The following MYLK variants were observed in gnomAD, a reference collection of about 807,000 sequenced individuals.
The protein encoded by MYLK is myosin light chain kinase.
A neutral mutation model predicts 203.4 loss-of-function variants in MYLK; 106 were observed. The observed-to-expected ratio is 0.52, with a 90% confidence interval of 0.45 to 0.61. The LOEUF is 0.61. MYLK is among the 20% of genes least tolerant of loss of function. The pLI, the probability that MYLK is intolerant of heterozygous loss-of-function variation, is 0.00. For synonymous variants in MYLK, 867 were observed against 959.5 expected (o/e 0.90, Z 1.78); for missense variants, 2,072 against 2,442.3 (o/e 0.85, Z 3.20).
chr3:123,727,121 G>A (rs545477311), intron 11 of MYLK, among the ~76,000 whole-genome samples: 1 of 152,350 alleles, frequency 6.6e-6, no homozygotes, highest in African/African-American at 2.4e-5. Context: ...ATTTCCCATA[G>A]TTGAACTCGA....
chr3:123,716,035 C>T (rs2061880812), intron 13 of MYLK: 1 of 152,224 alleles, frequency 6.6e-6, no homozygotes, highest in African/African-American at 2.4e-5. Context: ...TTCTGATTCA[C>T]TCCAAACCCT....
At chr3:123,807,843 G>A (rs1001242968) in intron 3 of MYLK, among the ~76,000 whole-genome samples, 1 of 152,228 alleles carries the variant, frequency 6.6e-6, no homozygotes, top group African/African-American at 2.4e-5. Context: ...CCCACTGGCT[G>A]GGCACAAGCC....
chr3:123,676,920 G>A (rs2060088225), intron 20 of MYLK, among the ~76,000 whole-genome samples: 1 of 152,180 alleles, frequency 6.6e-6, no homozygotes, highest in South Asian at 2.1e-4. Context: ...CCCAGAGTCT[G>A]GTATCAAACT....
chr3:123,678,264 G>A (rs1030083302), intron 20 of MYLK, among the ~76,000 whole-genome samples: 1 of 151,924 alleles, frequency 6.6e-6, no homozygotes, highest in East Asian at 1.9e-4. Flanking sequence ...CTCCCTGTCT[G>A]CCTTCTCCCC....
rs142198789 is a variant in MYLK, at chr3:123,715,166, T to C, written c.1805-5273A>G. Among the ~76,000 whole-genome samples, 18 of 152,326 alleles carry C rather than the reference T, an allele frequency of 1.2e-4. No homozygotes were observed. In the East Asian group the frequency reaches 3.5e-3, roughly 29 times the overall value. On this transcript the variant is annotated intron_variant, in intron 13 of 33. Coordinates refer to ENST00000360304, the MANE Select transcript of MYLK (RefSeq NM_053025.4). ...GCTGTTTTTGACTCACTAGAAGTTG[T>C]TTTTGAAGCCAGTTCCTAGTCATGA...
rs879593588 is a variant in MYLK, at chr3:123,684,556, T to C, written c.3566-2246A>G. Reference sequence around the variant, plus strand: ...CAGTAATTGTTTTGTTTGGCCCCTTTTTTTTTTTGAAATGGAATCTCACTC... The same window carrying C: ...CAGTAATTGTTTTGTTTGGCCCCTTCTTTTTTTTGAAATGGAATCTCACTC... On this transcript the variant is annotated intron_variant, in intron 19 of 33. Transcript: ENST00000360304. 1.7e-3 allele frequency among the ~76,000 whole-genome samples: 265 copies of C among 152,138 alleles called. 2 individuals carry two copies. Among genetic ancestry groups the C allele is most frequent in the Non-Finnish European group, 3.0e-3 (205 of 67,982 alleles).
chr3:123,788,562 A>G (rs1432103063), intron 4 of MYLK, among the ~76,000 whole-genome samples: 1 of 102,498 alleles, frequency 9.8e-6, no homozygotes, highest in African/African-American at 3.8e-5. Context: ...AACAGTCCCC[A>G]GAGTGTGATG....
At chr3:123,852,140 A>C (rs375544718) in intron 2 of MYLK, among the ~76,000 whole-genome samples, 2 of 152,266 alleles carry the variant, frequency 1.3e-5, no homozygotes, top group East Asian at 3.9e-4. Flanking sequence ...TGCTGGATTC[A>C]GTTTGCCAGT....
At chr3:123,702,358 G>T (rs956931247) in intron 16 of MYLK, among the ~76,000 whole-genome samples, 2 of 152,214 alleles carry the variant, frequency 1.3e-5, no homozygotes, top group East Asian at 1.9e-4. Flanking sequence ...AGTGATGGTT[G>T]TAACAACTGC....
rs576849217 is a variant in MYLK, at chr3:123,784,376, C to CTTTTTTTTTTTTTTTTTTTTTTTTTTT, written c.165+9274_165+9300dup. Among the ~76,000 whole-genome samples, 5 of 78,662 alleles carry CTTTTTTTTTTTTTTTTTTTTTTTTTTT rather than the reference C, an allele frequency of 6.4e-5. 1 individual carries two copies. The highest frequency in any genetic ancestry group is 3.0e-4 in the Admixed American group (2 of 6,716). 51.6% of individuals were successfully genotyped at this position (78,662 alleles called of 152,430 possible). The stretch of plus-strand genomic sequence containing the variant: ...CAAATACGGCTCATGGGTTGACTTT[C>CTTTTTTTTTTTTTTTTTTTTTTTTTTT]TTTTTTTTTTTTTTTTTTTTTTTTT... On this transcript the variant is annotated intron_variant, in intron 4 of 33. Transcript: ENST00000360304.
intron 20 of MYLK, among the ~76,000 whole-genome samples, chr3:123,679,905 C>G (rs1401073255): frequency 2.6e-5 from 4 of 152,136 alleles, no homozygotes; most frequent in Non-Finnish European, 5.9e-5. Context: ...AGGGGAGACC[C>G]CCTTCTGCTT....
Position 123,638,088 on chromosome 3 carries a change from C to T in MYLK, c.4944G>A (p.Gly1648=). 6.2e-7 allele frequency: 1 copy of T among 1,614,100 alleles called. No homozygotes were observed. Among genetic ancestry groups the T allele is most frequent in the South Asian group, 1.1e-5 (1 of 91,072 alleles). Residue 1648 remains glycine (G), a synonymous_variant, in exon 29 of 34, where the codon GGG becomes GGA. Coordinates refer to ENST00000360304, the MANE Select transcript of MYLK (RefSeq NM_053025.4). ...GGACTCACAGGATGTAGCAGATGAC[C>T]CCGATGCTCCACATGTCTGTGGCGT... ...IGYATDMWSI[G]VICYILVSGL...
intron 2 of MYLK, among the ~76,000 whole-genome samples, chr3:123,851,438 T>A (rs1410737260): frequency 1.3e-5 from 2 of 152,186 alleles, no homozygotes; most frequent in Non-Finnish European, 2.9e-5. Context: ...GGTTTGTAGT[T>A]CTCCTTGAAG....
rs141457749 is a variant in MYLK, at chr3:123,735,757, T to C, written c.755-341A>G. On this transcript the variant is annotated intron_variant, in intron 8 of 33. Transcript: ENST00000360304. ...ACCCAAATGCTGTAACTTACCAGTG[T>C]ACAGAAAAGCATACTTTTAATGTTA... 276 of 273,950 alleles carry C rather than the reference T, an allele frequency of 1.0e-3. 2 individuals are homozygous for C. In the East Asian group the frequency reaches 0.015, roughly 15 times the overall value. The allele number at this position is 273,950 out of a possible 1,614,324, so 17.0% of individuals were successfully genotyped here.
chr3:123,734,829 C>T (rs535247697), intron 9 of MYLK: 1 of 171,536 alleles, frequency 5.8e-6, no homozygotes, highest in African/African-American at 2.4e-5. Context: ...AGCTTTTCTT[C>T]ACCAGCTAAC....
chr3:123,652,018 G>A (rs1158348469), intron 24 of MYLK, among the ~76,000 whole-genome samples: 6 of 152,324 alleles, frequency 3.9e-5, no homozygotes, highest in South Asian at 2.1e-4. Context: ...AGGCTGAGGC[G>A]GGAGGAATGC....
intron 4 of MYLK, among the ~76,000 whole-genome samples, chr3:123,778,257 T>C (rs2109017660): frequency 6.6e-6 from 1 of 152,226 alleles, no homozygotes; most frequent in African/African-American, 2.4e-5. Context: ...AGTATAACTG[T>C]GGTATTAAAT....
At chr3:123,878,466 G>T (rs942359740) in intron 1 of MYLK, among the ~76,000 whole-genome samples, 4 of 152,162 alleles carry the variant, frequency 2.6e-5, no homozygotes. Context: ...AGATGGCAGT[G>T]ATCACAGGCC....
intron 7 of MYLK, 39 bp downstream of exon 7, chr3:123,738,858 T>C (rs1441594058): frequency 4.4e-6 from 7 of 1,587,042 alleles, no homozygotes; most frequent in South Asian, 1.1e-5. Flanking sequence ...AACAGACTAA[T>C]ACAGGCTGGA....
Sources: allele counts gnomAD v4.1 joint callset (sites outside exome capture counted in the v4.1 genomes callset), GRCh38; gene constraint gnomAD v4.1.1; transcripts MANE v1.5; gene names NCBI Gene and HGNC (gene_info 2026-07-23, HGNC 2026-07-21).